COL26A1: variants seen among roughly 807,000 people sequenced by gnomAD.
COL26A1 encodes collagen type XXVI alpha 1 chain.
A neutral mutation model predicts 59.3 loss-of-function variants in COL26A1; 41 were observed. That is an observed-to-expected ratio of 0.69 (90% CI 0.54 to 0.90). The LOEUF (loss-of-function observed/expected upper bound fraction) is 0.90, where lower values mean the gene tolerates loss of function less well. COL26A1 is among the 40% of genes least tolerant of loss of function. The probability of loss-of-function intolerance (pLI) is 0.00; values close to 1 mark genes in which losing one functional copy is unlikely to be tolerated. For missense variants in COL26A1, 612 were observed against 602.3 expected (o/e 1.02, Z -0.17); for synonymous variants, 266 against 256.0 (o/e 1.04, Z -0.37).
At chr7:101,552,129 C>A (rs1424084807) in intron 10 of COL26A1, among the ~76,000 whole-genome samples, 1 of 152,222 alleles carries the variant, frequency 6.6e-6, no homozygotes, top group Non-Finnish European at 1.5e-5. Flanking sequence ...ACAGGAGACA[C>A]AATGATGGCA....
rs542033567 is a variant in COL26A1, at chr7:101,474,728, C to T, written c.385+26941C>T. On this transcript the variant is annotated intron_variant, in intron 3 of 12. Transcript: ENST00000313669. ...ATTGCTAAGTCCATAGTTAATACCCCTGTGACACAAGATAGATTAACAAGA... is the reference window on the plus strand; with the variant it reads ...ATTGCTAAGTCCATAGTTAATACCCTTGTGACACAAGATAGATTAACAAGA... Among the ~76,000 whole-genome samples, 83 of 152,280 alleles carry T rather than the reference C, an allele frequency of 5.5e-4. 1 individual carries two copies. The South Asian group carries it at 0.017, about 30-fold the overall frequency.
intron 3 of COL26A1, among the ~76,000 whole-genome samples, chr7:101,516,598 A>G (rs2130598956): frequency 6.6e-6 from 1 of 152,286 alleles, no homozygotes; most frequent in Non-Finnish European, 1.5e-5. Context: ...TAAGAGTACA[A>G]ATTACAGCTG....
At chr7:101,516,970 G>T (rs1795041382) in intron 3 of COL26A1, among the ~76,000 whole-genome samples, 1 of 152,142 alleles carries the variant, frequency 6.6e-6, no homozygotes. Context: ...CTTGGTGAAG[G>T]TCGGTGCCTG....
At chr7:101,497,677 G>GA (rs912906926) in intron 3 of COL26A1, among the ~76,000 whole-genome samples, 37 of 150,626 alleles carry the variant, frequency 2.5e-4, no homozygotes, top group Non-Finnish European at 3.8e-4. Flanking sequence ...CCCTGCCTCA[G>GA]AAAAAAAATA....
chr7:101,484,112 G>A (rs1794218357), intron 3 of COL26A1, among the ~76,000 whole-genome samples: 1 of 150,990 alleles, frequency 6.6e-6, no homozygotes, highest in African/African-American at 2.4e-5. Context: ...AACCTCCCGA[G>A]GTGCTGAGGT....
At chr7:101,540,236 T>C (rs1795584093) in intron 5 of COL26A1, among the ~76,000 whole-genome samples, 187 bp downstream of exon 5, 1 of 152,188 alleles carries the variant, frequency 6.6e-6, no homozygotes, top group Non-Finnish European at 1.5e-5. Context: ...TTCTAGTTTC[T>C]CTTAAGAAGT....
intron 3 of COL26A1, among the ~76,000 whole-genome samples, chr7:101,511,133 G>A (rs112824559): frequency 0.33 from 49,687 of 151,144 alleles, 12,089 homozygotes; most frequent in African/African-American, 0.69. Flanking sequence ...CGATCTCCTA[G>A]CCTCATGATC....
intron 3 of COL26A1, among the ~76,000 whole-genome samples, chr7:101,521,193 C>T (rs1795134762): frequency 6.6e-6 from 1 of 152,184 alleles, no homozygotes; most frequent in African/African-American, 2.4e-5. Context: ...CCTTCACTAT[C>T]ACAAAAACAG....
chr7:101,458,983 T>A (rs1051122397), intron 3 of COL26A1, among the ~76,000 whole-genome samples: 2 of 152,044 alleles, frequency 1.3e-5, no homozygotes, highest in African/African-American at 4.8e-5. Context: ...TTAATTTATT[T>A]CATTTTTGTT....
Position 101,514,801 on chromosome 7 carries a change from A to G in COL26A1, c.386-18281A>G, listed in dbSNP as rs561543665. On this transcript the variant is annotated intron_variant, in intron 3 of 12. Transcript: ENST00000313669. ...TGTACTTGGACAGTCTCCTCCTCGC[A>G]GAGAATCTGCATCTCCAGCTACCCA... 4.6e-5 allele frequency among the ~76,000 whole-genome samples: 7 copies of G among 152,366 alleles called. No homozygotes were observed. The South Asian group carries it at 1.2e-3, about 27-fold the overall frequency.
At chr7:101,520,959 G>C (rs566051258) in intron 3 of COL26A1, among the ~76,000 whole-genome samples, 1 of 152,178 alleles carries the variant, frequency 6.6e-6, no homozygotes, top group African/African-American at 2.4e-5. Flanking sequence ...CAGTGTATTA[G>C]CCTGTCTTCA....
chr7:101,369,783 C>T (rs1791142001), intron 1 of COL26A1, among the ~76,000 whole-genome samples: 2 of 152,146 alleles, frequency 1.3e-5, no homozygotes, highest in African/African-American at 4.8e-5. Flanking sequence ...AAGTTTCCCT[C>T]CACTGGGGTT....
chr7:101,443,867 CTTTTCTTTTTT>C, intron 2 of COL26A1, among the ~76,000 whole-genome samples: 1 of 129,346 alleles, frequency 7.7e-6, no homozygotes, highest in Non-Finnish European at 1.6e-5. Flanking sequence ...TTTCCTTTTT[CTTTTCTTTTTT>C]TTTTTTTTTT....
chr7:101,544,523 C>A (rs1795688737), intron 6 of COL26A1, among the ~76,000 whole-genome samples: 1 of 139,562 alleles, frequency 7.2e-6, no homozygotes, highest in Admixed American at 7.3e-5. Context: ...CACCACCTCA[C>A]CTGGCTTTTT....
Position 101,489,849 on chromosome 7 carries a change from TC to T in COL26A1, c.385+42063del. 5.9e-5 allele frequency among the ~76,000 whole-genome samples: 2 copies of T among 34,174 alleles called. 1 individual carries two copies. The highest frequency in any genetic ancestry group is 2.5e-3 in the South Asian group (2 of 786). 22.4% of individuals were successfully genotyped at this position (34,174 alleles called of 152,430 possible). On this transcript the variant is annotated intron_variant, in intron 3 of 12. Transcript: ENST00000313669. ...TTCTTTCTTTCTTTCTTTCTTTCTT[TC>T]TTTCTTTCTTTCTTTCTTTCTTTCT...
intron 3 of COL26A1, among the ~76,000 whole-genome samples, chr7:101,466,504 C>G (rs1028432061): frequency 6.6e-6 from 1 of 152,078 alleles, no homozygotes; most frequent in Non-Finnish European, 1.5e-5. Flanking sequence ...GAGTTAGAGA[C>G]TAGCCTGGCC....
rs1371193607 is a variant in COL26A1 at position 101,362,960 on chromosome 7, C to T, written c.-73C>T. The T allele has an allele frequency of 4.8e-6, 7 of 1,452,036 alleles. No individual in the cohort carries two copies. The highest frequency in any genetic ancestry group is 2.4e-4 in the Middle Eastern group (1 of 4,134). The allele number at this position is 1,452,036 out of a possible 1,614,324, so 89.9% of individuals were successfully genotyped here. On this transcript the variant is annotated 5_prime_UTR_variant, in exon 1 of 13. Coordinates refer to ENST00000313669, the MANE Select transcript of COL26A1 (RefSeq NM_001278563.3). ...GTGCTCCCGGCCGGTGCCGCGGGTT[C>T]GGTCCGGGCGCCGGTGCGCTCCTGC...
chr7:101,425,611 C>T (rs957246977), intron 2 of COL26A1, among the ~76,000 whole-genome samples: 7 of 151,778 alleles, frequency 4.6e-5, no homozygotes, highest in Admixed American at 4.0e-4. Context: ...ATCCTCCCAC[C>T]TCAGCCTCCC....
At chr7:101,463,086 G>A (rs1793653074) in intron 3 of COL26A1, among the ~76,000 whole-genome samples, 1 of 152,180 alleles carries the variant, frequency 6.6e-6, no homozygotes, top group Non-Finnish European at 1.5e-5. Flanking sequence ...CAATAGTTGT[G>A]CTGTCCTGAC....
Sources: gnomAD v4.1 joint callset for allele counts (sites outside exome capture counted in the v4.1 genomes callset) on GRCh38, gnomAD v4.1.1 for gene constraint, MANE v1.5 for transcripts, NCBI Gene and HGNC (gene_info 2026-07-23, HGNC 2026-07-21) for gene names.